Variants in EPHA6 observed in about 807,000 individuals in gnomAD.
The protein encoded by EPHA6 is ephrin type-A receptor 6.
In EPHA6, 50 loss-of-function variants were observed where a neutral mutation model predicts 112.0. That is an observed-to-expected ratio of 0.45 (90% CI 0.36 to 0.56). The LOEUF (loss-of-function observed/expected upper bound fraction) is 0.56, where lower values mean the gene tolerates loss of function less well. Ranked by LOEUF, EPHA6 falls within the 20% of genes least tolerant of loss-of-function variation. The pLI, the probability that EPHA6 is intolerant of heterozygous loss-of-function variation, is 0.00. For synonymous variants in EPHA6, 529 were observed against 490.7 expected, an observed-to-expected ratio of 1.08 and a Z score of -1.03; for missense variants, 1,280 against 1,417.4, an observed-to-expected ratio of 0.90 and a Z score of 1.56.
intron 4 of EPHA6, among the ~76,000 whole-genome samples, chr3:97,233,246 T>G (rs948763542): frequency 2.7e-5 from 4 of 150,416 alleles, no homozygotes; most frequent in Non-Finnish European, 1.5e-5. Flanking sequence ...TCAATATCAG[T>G]GAGGTAGTCT....
intron 3 of EPHA6, among the ~76,000 whole-genome samples, chr3:97,153,629 A>C (rs1160930511): frequency 1.3e-5 from 2 of 152,142 alleles, no homozygotes; most frequent in South Asian, 2.1e-4. Flanking sequence ...TAGTTACCTA[A>C]CATTTTTTTT....
intron 3 of EPHA6, among the ~76,000 whole-genome samples, chr3:97,169,917 G>A (rs770642600): frequency 7.2e-5 from 11 of 152,126 alleles, no homozygotes; most frequent in Non-Finnish European, 1.2e-4. Flanking sequence ...TGAACAATGA[G>A]CATGCATGGA....
intron 7 of EPHA6, among the ~76,000 whole-genome samples, chr3:97,456,293 T>A (rs917784467): frequency 5.3e-5 from 8 of 152,124 alleles, no homozygotes; most frequent in African/African-American, 1.7e-4. Context: ...GAATTTGTTC[T>A]CTTAGCAAAT....
At chr3:97,407,518 TG>T (rs2087432177) in intron 6 of EPHA6, among the ~76,000 whole-genome samples, 1 of 151,722 alleles carries the variant, frequency 6.6e-6, no homozygotes, top group East Asian at 1.9e-4. Context: ...GTATTAAGAG[TG>T]ATATGTCAGA....
At chr3:97,182,151 A>C (rs549598660) in intron 3 of EPHA6, among the ~76,000 whole-genome samples, 25 of 152,082 alleles carry the variant, frequency 1.6e-4, no homozygotes, top group African/African-American at 5.1e-4. Flanking sequence ...TATGCACTAC[A>C]TTTATTTTTC....
At chr3:96,866,303 A>G (rs2107453103) in intron 1 of EPHA6, among the ~76,000 whole-genome samples, 1 of 152,202 alleles carries the variant, frequency 6.6e-6, no homozygotes, top group Non-Finnish European at 1.5e-5. Context: ...TTATAGCCAT[A>G]AGTAAACTAC....
At chr3:97,524,350 T>C (rs2092589016) in intron 10 of EPHA6, among the ~76,000 whole-genome samples, 1 of 152,096 alleles carries the variant, frequency 6.6e-6, no homozygotes, top group Non-Finnish European at 1.5e-5. Context: ...TACAATTGCA[T>C]ACAAAGACTC....
At chr3:97,329,058 C>T (rs1269722402) in intron 5 of EPHA6, among the ~76,000 whole-genome samples, 2 of 152,036 alleles carry the variant, frequency 1.3e-5, no homozygotes, top group African/African-American at 4.8e-5. Flanking sequence ...TGAGTGACAA[C>T]ATGCGGTGTT....
intron 3 of EPHA6, among the ~76,000 whole-genome samples, chr3:97,105,348 G>T (rs879376835): frequency 3.3e-5 from 5 of 151,914 alleles, no homozygotes; most frequent in Non-Finnish European, 7.4e-5. Context: ...CTGGTATGTT[G>T]TATCTTTGTT....
At chr3:97,030,465 C>T (rs539732776) in intron 3 of EPHA6, among the ~76,000 whole-genome samples, 17 of 152,110 alleles carry the variant, frequency 1.1e-4, no homozygotes, top group Admixed American at 3.3e-4. Context: ...CCATAGAGCA[C>T]GGGTTATGTC....
chr3:97,654,288 G>A (rs2094124587), intron 14 of EPHA6, among the ~76,000 whole-genome samples: 1 of 151,700 alleles, frequency 6.6e-6, no homozygotes, highest in Non-Finnish European at 1.5e-5. Context: ...AGCTGAAAAA[G>A]CGCTGGGGAG....
chr3:97,071,902 T>G (rs9847081), intron 3 of EPHA6, among the ~76,000 whole-genome samples: 22,949 of 151,926 alleles, frequency 0.15, 3,112 homozygotes, highest in African/African-American at 0.37. Context: ...CCCCATGTCC[T>G]TTGTGTCATT....
At chr3:97,010,201 C>G in intron 3 of EPHA6, 2 of 679,180 alleles carry the variant, frequency 2.9e-6, no homozygotes, top group South Asian at 3.8e-5. Flanking sequence ...AATATGGGTT[C>G]TGGTCAATCA....
At position 96,952,229 on chromosome 3, in the gene EPHA6, T is replaced by C. The variant is rs1476862943; in HGVS notation, c.451-35101T>C. ...GATAAGCACTGCCTAGTACAGTGCC[T>C]AGCACCGAATAGCTGTTTTCTAAAC... On this transcript the variant is annotated intron_variant, in intron 2 of 17. Coordinates refer to ENST00000389672, the MANE Select transcript of EPHA6 (RefSeq NM_001080448.3). 5.3e-5 allele frequency among the ~76,000 whole-genome samples: 8 copies of C among 152,324 alleles called. No homozygotes were observed. In the East Asian group the frequency reaches 1.5e-3, roughly 29 times the overall value.
rs117115236 is a variant in EPHA6 at position 97,425,742 on chromosome 3, A to G, written c.1731+20468A>G. ...AAAATTGTTTTTTCTTTTCTATTGC[A>G]TTGTCAGGCTGCAAATTTTCCAAAC... is the stretch of plus-strand genomic sequence containing the variant. On this transcript the variant is annotated intron_variant, in intron 6 of 17. Transcript: ENST00000389672. Among the ~76,000 whole-genome samples, 2,904 of 152,142 alleles carry G rather than the reference A, an allele frequency of 0.019. 297 individuals carry two copies. In the East Asian group the frequency reaches 0.31, roughly 16 times the overall value.
intron 14 of EPHA6, among the ~76,000 whole-genome samples, chr3:97,710,876 A>G (rs2033930330): frequency 6.6e-6 from 1 of 152,262 alleles, no homozygotes; most frequent in East Asian, 1.9e-4. Context: ...GTTTTTAAGC[A>G]GAGTTTGCAA....
intron 1 of EPHA6, among the ~76,000 whole-genome samples, chr3:96,849,279 T>C (rs1375561238): frequency 4.6e-5 from 7 of 152,162 alleles, no homozygotes. Context: ...AGTAGTAATG[T>C]GGATGATTCT....
At chr3:97,532,579 C>T (rs2092707722) in intron 11 of EPHA6, 36 bp downstream of exon 11, 1 of 1,523,010 alleles carries the variant, frequency 6.6e-7, no homozygotes, top group Non-Finnish European at 8.8e-7. Flanking sequence ...TTCTTTCACA[C>T]ACCTATCTCA....
intron 3 of EPHA6, among the ~76,000 whole-genome samples, chr3:97,071,299 A>G (rs1055869731): frequency 5.3e-5 from 8 of 152,084 alleles, no homozygotes; most frequent in African/African-American, 1.9e-4. Context: ...TAAAGATTAC[A>G]TGGGTTGACT....
Sources: allele counts gnomAD v4.1 joint callset (sites outside exome capture counted in the v4.1 genomes callset), GRCh38; gene constraint gnomAD v4.1.1; transcripts MANE v1.5; gene names NCBI Gene and HGNC (gene_info 2026-07-23, HGNC 2026-07-21).